SVEP1: variants seen among roughly 807,000 people sequenced by gnomAD.
The protein encoded by SVEP1 is sushi, von Willebrand factor type A, EGF and pentraxin domain containing 1.
Under a neutral mutation model 367.3 loss-of-function variants are expected in SVEP1, and 164 were observed. The observed-to-expected ratio is 0.45, with a 90% CI of 0.39 to 0.51. SVEP1 has a LOEUF of 0.51. Ranked by LOEUF, SVEP1 falls within the 20% of genes least tolerant of loss-of-function variation. The pLI, the probability that SVEP1 is intolerant of heterozygous loss-of-function variation, is 0.00. For missense variants in SVEP1, 4,117 were observed against 4,425.3 expected, an observed-to-expected ratio of 0.93 and a Z score of 1.98; for synonymous variants, 1,666 against 1,611.6, an observed-to-expected ratio of 1.03 and a Z score of -0.81.
At chr9:110,456,703 CA>C (rs1346762154) in intron 21 of SVEP1, among the ~76,000 whole-genome samples, 1 of 152,122 alleles carries the variant, frequency 6.6e-6, no homozygotes, top group Non-Finnish European at 1.5e-5. Context: ...CATTTCCCCT[CA>C]AAAATTATGT....
intron 18 of SVEP1, 27 bp from the exon 19 acceptor site, chr9:110,459,140 T>C (rs771804225): frequency 1.1e-5 from 18 of 1,608,142 alleles, no homozygotes; most frequent in Non-Finnish European, 1.4e-5. Context: ...AAATCATATG[T>C]GCATATAAAG....
At position 110,432,614 on chromosome 9, in the gene SVEP1, G is replaced by A. The variant is rs779225459; in HGVS notation, c.5081C>T (p.Pro1694Leu). Reference protein sequence around the residue: ...HCERISCGVPPPLENGFHSAD... With the variant: ...HCERISCGVPLPLENGFHSAD... ...TGAATGGAAGCCATTCTCCAAAGGA[G>A]GTGGCACCCCACAGCTAATGCCTGT... Residue 1694 changes from proline to leucine, a missense_variant, in exon 31 of 48, where the codon CCT (proline) becomes CTT (leucine). Physicochemically the swap from Pro to Leu is moderately conservative, Grantham distance 98. Around this residue, in one of 4 missense-constraint regions of SVEP1, gnomAD observed 2,174 missense variants for 2,494.3 expected, o/e 0.87. Transcript: ENST00000374469. The A allele has an allele frequency of 1.2e-6, 2 of 1,612,952 alleles. No individual in the cohort carries two copies. The highest frequency in any genetic ancestry group is 2.7e-5 in the African/African-American group (2 of 75,018).
intron 1 of SVEP1, among the ~76,000 whole-genome samples, chr9:110,567,586 A>G (rs2118878530): frequency 6.6e-6 from 1 of 152,284 alleles, no homozygotes; most frequent in Middle Eastern, 3.4e-3. Context: ...AACACTCCAC[A>G]TTTTCTCAGA....
chr9:110,371,702 C>T (rs1445429555), intron 46 of SVEP1, among the ~76,000 whole-genome samples: 1 of 152,204 alleles, frequency 6.6e-6, no homozygotes, highest in Non-Finnish European at 1.5e-5. Context: ...AAGCTGGAAA[C>T]AGCTTTTAGT....
Position 110,411,299 on chromosome 9 carries a change from A to G in SVEP1, c.6412T>C (p.Ser2138Pro), listed in dbSNP as rs755338025. The change falls in exon 37 of 48, where the codon TCC (serine) becomes CCC (proline). Residue 2138 changes from serine to proline, a missense_variant. Physicochemically the swap from Ser to Pro is moderately conservative, Grantham distance 74. Around this residue, in one of 4 missense-constraint regions of SVEP1, gnomAD observed 1,765 missense variants for 1,781.1 expected, o/e 0.99. Coordinates refer to ENST00000374469, the MANE Select transcript of SVEP1 (RefSeq NM_153366.4). ...CACCGCACAGGGATGCACTGGATGG[A>G]CATGGGGGAAGGGTTCCACTGCCCA... is the stretch of plus-strand genomic sequence containing the variant. ...RGGQWNPSPMSIQCIPVRCGE... is the reference protein window; with the variant it reads ...RGGQWNPSPMPIQCIPVRCGE... 4 of 1,614,060 alleles carry G rather than the reference A, an allele frequency of 2.5e-6. No homozygotes were observed. In the Admixed American group the frequency reaches 6.7e-5, roughly 27 times the overall value.
At chr9:110,522,922 C>G (rs1220547007) in intron 3 of SVEP1, among the ~76,000 whole-genome samples, 2 of 152,100 alleles carry the variant, frequency 1.3e-5, no homozygotes, top group African/African-American at 2.4e-5. Flanking sequence ...TGTCTCTAAC[C>G]TCCATACATA....
In SVEP1 at chr9:110,576,446, C is replaced by T. The variant is rs118079190; in HGVS notation, c.531+2567G>A. 7.1e-3 allele frequency among the ~76,000 whole-genome samples: 1,087 copies of T among 152,110 alleles called. 36 individuals carry two copies. In the East Asian group the frequency reaches 0.072, roughly 10 times the overall value. On this transcript the variant is annotated intron_variant, in intron 1 of 47. Transcript: ENST00000374469. ...GCATAATATATGTATGAAAACATGC[C>T]TATTACCTAGACAACTGAATAAAGT...
Position 110,445,941 on chromosome 9 carries a change from A to G in SVEP1, c.4359T>C (p.Cys1453=), listed in dbSNP as rs1197419728. 1.9e-6 allele frequency: 3 copies of G among 1,613,962 alleles called. No individual in the cohort carries two copies. The highest frequency in any genetic ancestry group is 2.5e-6 in the Non-Finnish European group (3 of 1,179,846). Residue 1453 remains cysteine (C), a synonymous_variant, in exon 26 of 48, where the codon TGT becomes TGC. Transcript: ENST00000374469. ...GMLPSLHALT[C]TFWMKSSDDM... Reference sequence around the variant, plus strand: ...CGTCAGAGGATTTCATCCAGAAGGTACAGGTTAGAGCATGGAGAGATGGGA... The same window carrying G: ...CGTCAGAGGATTTCATCCAGAAGGTGCAGGTTAGAGCATGGAGAGATGGGA...
chr9:110,453,060 A>G (rs906987070), intron 22 of SVEP1, among the ~76,000 whole-genome samples: 1 of 152,192 alleles, frequency 6.6e-6, no homozygotes, highest in Non-Finnish European at 1.5e-5. Flanking sequence ...AAACATTTTT[A>G]TGTCTTTATG....
At chr9:110,481,833 C>G (rs1564155124) in intron 11 of SVEP1, among the ~76,000 whole-genome samples, 1 of 152,070 alleles carries the variant, frequency 6.6e-6, no homozygotes, top group Non-Finnish European at 1.5e-5. Context: ...GTGCCTTGAC[C>G]TCCTGAGTAG....
chr9:110,366,121 G>A lies in SVEP1; in HGVS notation c.*418C>T, dbSNP rs1411329984. On this transcript the variant is annotated 3_prime_UTR_variant, in exon 48 of 48. Transcript: ENST00000374469. ...CAGTGGCACAGATGAAAGATCATGA[G>A]TCCTCTCTATGAATCCCTTGGCCAC... 1.3e-5 allele frequency: 2 copies of A among 157,474 alleles called. No homozygotes were observed. Among genetic ancestry groups the A allele is most frequent in the African/African-American group, 4.8e-5 (2 of 41,630 alleles). 9.8% of individuals were successfully genotyped at this position (157,474 alleles called of 1,614,324 possible). A position where few individuals can be genotyped will look rare whatever the true frequency, so the allele number is the denominator to read the frequency against.
intron 16 of SVEP1, among the ~76,000 whole-genome samples, chr9:110,470,772 A>G (rs1829004140): frequency 6.7e-6 from 1 of 148,852 alleles, no homozygotes; most frequent in Non-Finnish European, 1.5e-5. Flanking sequence ...ATATAGAAAA[A>G]TAAATATATA....
chr9:110,451,699 T>C (rs1461248309), intron 22 of SVEP1, among the ~76,000 whole-genome samples: 1 of 152,344 alleles, frequency 6.6e-6, no homozygotes, highest in African/African-American at 2.4e-5. Context: ...TCCTTATTTG[T>C]TTGCTAGTTG....
At chr9:110,467,447 C>G (rs1828954513) in intron 17 of SVEP1, among the ~76,000 whole-genome samples, 1 of 152,084 alleles carries the variant, frequency 6.6e-6, no homozygotes, top group Non-Finnish European at 1.5e-5. Context: ...GGATGTGTGT[C>G]TCTGCCCAAA....
intron 39 of SVEP1, 137 bp from the exon 40 acceptor site, chr9:110,401,146 G>T (rs1444817312): frequency 3.0e-6 from 3 of 1,008,788 alleles, no homozygotes; most frequent in Non-Finnish European, 4.3e-6. Context: ...TCCTACTTTT[G>T]CTACTTATTA....
Position 110,562,593 on chromosome 9 carries a change from G to T in SVEP1, c.532-12489C>A, listed in dbSNP as rs539082211. ...GAACAGAGAGGTACTTACATAATAT[G>T]ACCAAGAGAGCTATCATAAACCAAT... On this transcript the variant is annotated intron_variant, in intron 1 of 47. Transcript: ENST00000374469. Among the ~76,000 whole-genome samples the T allele has an allele frequency of 2.0e-5, 3 of 152,304 alleles. No homozygotes were observed. In the East Asian group the frequency reaches 5.8e-4, roughly 29 times the overall value.
intron 3 of SVEP1, among the ~76,000 whole-genome samples, chr9:110,519,117 T>C (rs1829844312): frequency 6.6e-6 from 1 of 152,190 alleles, no homozygotes. Context: ...ATTTACTTCA[T>C]TTCTCTGTGA....
intron 32 of SVEP1, 38 bp downstream of exon 32, chr9:110,431,877 T>C (rs769385379): frequency 6.6e-5 from 106 of 1,611,518 alleles, no homozygotes; most frequent in Non-Finnish European, 8.2e-5. Flanking sequence ...AATAAAAGAA[T>C]GGAATTAGGA....
chr9:110,432,793 C>T (rs970474889), intron 30 of SVEP1, among the ~76,000 whole-genome samples, 158 bp from the exon 31 acceptor site: 7 of 152,218 alleles, frequency 4.6e-5, no homozygotes, highest in Non-Finnish European at 1.0e-4. Context: ...CCTGAACCCT[C>T]AGCGTCTAGC....
Sources: gnomAD v4.1 joint callset for allele counts (sites outside exome capture counted in the v4.1 genomes callset) on GRCh38, gnomAD v4.1.1 for gene constraint, gnomAD v4.1.1 regional missense constraint, MANE v1.5 for transcripts, NCBI Gene and HGNC (gene_info 2026-07-23, HGNC 2026-07-21) for gene names.